The following PUM3 variants were observed in gnomAD, a reference collection of about 807,000 sequenced individuals.
The protein encoded by PUM3 is pumilio homolog 3.
In PUM3, 91 loss-of-function variants were observed where a neutral mutation model predicts 84.0. That is an observed-to-expected ratio of 1.08 (90% CI 0.91 to 1.29). PUM3 has a LOEUF of 1.29. Ranked by LOEUF, PUM3 falls within the 50% of genes most tolerant of loss-of-function variation. PUM3 has a pLI of 0.00. For synonymous variants in PUM3, 321 were observed against 266.7 expected (o/e 1.20, Z -1.98); for missense variants, 1,067 against 767.5 (o/e 1.39, Z -4.61).
At position 2,824,794 on chromosome 9, in the gene PUM3, C is replaced by A; in HGVS notation, c.1057G>T (p.Glu353Ter). The A allele has an allele frequency of 6.4e-7, 1 of 1,574,000 alleles. No individual in the cohort carries two copies. Among genetic ancestry groups the A allele is most frequent in the Non-Finnish European group, 8.7e-7 (1 of 1,154,410 alleles). Residue 353 changes from glutamate to a stop codon, truncating the protein, a stop_gained, in exon 11 of 18, where the codon GAA (glutamate) becomes TAA (stop). Coordinates refer to ENST00000397885, the MANE Select transcript of PUM3 (RefSeq NM_014878.5). LOFTEE classifies it high-confidence loss of function. Reference protein sequence around the residue: ...LRSEMIEAIREAVVYLAHTHD... With the variant: ...LRSEMIEAIR The stretch of plus-strand genomic sequence containing the variant: ...GTGTGTGCCAGGTAGACCACCGCTT[C>A]GCGGATGGCTTCAATCATTTCCTAG...
Position 2,828,690 on chromosome 9 carries a change from G to C in PUM3, c.941C>G (p.Thr314Ser). The C allele has an allele frequency of 6.3e-7, 1 of 1,590,576 alleles. No individual in the cohort carries two copies. The highest frequency in any genetic ancestry group is 8.6e-7 in the Non-Finnish European group (1 of 1,159,030). ...ACTTTCTTACTTTTGGGCCATTGGA[G>C]TTAGAATCTGTTTCATTTCATCCAT... Reference protein sequence around the residue: ...LIMDEMKQILTPMAQKEAVIK... With the variant: ...LIMDEMKQILSPMAQKEAVIK... The change falls in exon 9 of 18, where the codon ACT (threonine) becomes AGT (serine). Residue 314 changes from threonine to serine, a missense_variant. Transcript: ENST00000397885.
chr9:2,841,714 CA>C (rs766046609), intron 1 of PUM3, among the ~76,000 whole-genome samples: 3,473 of 98,358 alleles, frequency 0.035, 100 homozygotes, highest in African/African-American at 0.11. Flanking sequence ...TGCTGCAGGC[CA>C]AAAAAAAAAA....
chr9:2,832,415 G>A (rs180943571), intron 5 of PUM3, among the ~76,000 whole-genome samples: 3 of 152,074 alleles, frequency 2.0e-5, no homozygotes, highest in Admixed American at 1.3e-4. Context: ...TATACAACAC[G>A]GATGATGACA....
chr9:2,815,583 T>C (rs997943942), intron 13 of PUM3, among the ~76,000 whole-genome samples: 3 of 152,226 alleles, frequency 2.0e-5, no homozygotes, highest in Non-Finnish European at 2.9e-5. Flanking sequence ...ATGATACACC[T>C]GCCTAACTCA....
chr9:2,839,934 G>A (rs3824352), intron 1 of PUM3, among the ~76,000 whole-genome samples: 6,545 of 152,260 alleles, frequency 0.043, 154 homozygotes, highest in East Asian at 0.063. Flanking sequence ...TTAACATACA[G>A]TTAACTAAGC....
In PUM3 at chr9:2,823,781, A is replaced by G; in HGVS notation, c.1188T>C (p.Asn396=). Residue 396 remains asparagine, a splice_region_variant and synonymous_variant, in exon 12 of 18, where the codon AAT becomes AAC. Coordinates refer to ENST00000397885, the MANE Select transcript of PUM3 (RefSeq NM_014878.5). ...GAATATGTAGTTTTATTATACTTACATTAGCCACCTTTTCAACATAAGTCT... is the reference window on the plus strand; with the variant it reads ...GAATATGTAGTTTTATTATACTTACGTTAGCCACCTTTTCAACATAAGTCT... ...TMKTYVEKVA[N]GQYSHLVLLA... 7.1e-7 allele frequency: 1 copy of G among 1,415,224 alleles called. No homozygotes were observed. The highest frequency in any genetic ancestry group is 2.4e-5 in the East Asian group (1 of 42,408). The allele number at this position is 1,415,224 out of a possible 1,614,324, so 87.7% of individuals were successfully genotyped here. A position where few individuals can be genotyped will look rare whatever the true frequency, so the allele number is the denominator to read the frequency against.
chr9:2,829,369 CAATGCATGCACATG>C (rs778520332), intron 8 of PUM3, among the ~76,000 whole-genome samples: 1 of 152,162 alleles, frequency 6.6e-6, no homozygotes, highest in Non-Finnish European at 1.5e-5. Flanking sequence ...TGAAGAAGGG[CAATGCATGCACATG>C]AAAAAACACA....
Position 2,821,443 on chromosome 9 carries a change from C to CAAAAAAAAAAAAAAAAAAAAAAA in PUM3, c.1189-1346_1189-1345insTTTTTTTTTTTTTTTTTTTTTTT, listed in dbSNP as rs572752267. 9.6e-4 allele frequency among the ~76,000 whole-genome samples: 48 copies of CAAAAAAAAAAAAAAAAAAAAAAA among 50,098 alleles called. 1 individual carries two copies. The highest frequency in any genetic ancestry group is 1.4e-3 in the African/African-American group (17 of 12,420). The allele number at this position is 50,098 out of a possible 152,430, so 32.9% of individuals were successfully genotyped here. On this transcript the variant is annotated intron_variant, in intron 12 of 17. Transcript: ENST00000397885. ...TGGGCGACAGAGCAAGACTCTGTCT[C>CAAAAAAAAAAAAAAAAAAAAAAA]AAAAAAAAAAAAAAAAAAAGAACAT... is the stretch of plus-strand genomic sequence containing the variant.
Position 2,831,329 on chromosome 9 carries a change from C to T in PUM3, c.532G>A (p.Asp178Asn), listed in dbSNP as rs749489716. ...TAACACTGGATCACACGAGTTGAAT[C>T]GTGTGCAAATGCAATCTGCAGGAAA... is the stretch of plus-strand genomic sequence containing the variant. ...GKIKTIAFAH[D>N]STRVIQCYIQ... is the part of the protein sequence containing the mutation. The change falls in exon 6 of 18, where the codon GAT (aspartate) becomes AAT (asparagine). Residue 178 changes from aspartate to asparagine, a missense_variant. By Grantham distance (23) the Asp-to-Asn change is conservative (BLOSUM62 1). Coordinates refer to ENST00000397885, the MANE Select transcript of PUM3 (RefSeq NM_014878.5). 10 of 1,605,554 alleles carry T rather than the reference C, an allele frequency of 6.2e-6. No individual in the cohort carries two copies. The highest frequency in any genetic ancestry group is 2.2e-5 in the East Asian group (1 of 44,736).
intron 3 of PUM3, among the ~76,000 whole-genome samples, chr9:2,836,006 A>G (rs1261153328): frequency 1.3e-5 from 2 of 152,180 alleles, no homozygotes; most frequent in African/African-American, 4.8e-5. Context: ...TAGAAAAGAG[A>G]GCTGGAAGAG....
intron 3 of PUM3, among the ~76,000 whole-genome samples, chr9:2,834,994 T>C (rs919572594): frequency 1.3e-5 from 1 of 76,468 alleles, no homozygotes; most frequent in African/African-American, 5.0e-5. Context: ...CCTGTCTCTA[T>C]AAAAAACTGG....
At chr9:2,838,554 C>T (rs1338948968) in intron 1 of PUM3, 37 bp from the exon 2 acceptor site, 3 of 1,232,612 alleles carry the variant, frequency 2.4e-6, no homozygotes, top group Non-Finnish European at 3.6e-6. Context: ...ACAATCACTG[C>T]AGTTCTCTTC....
At chr9:2,835,956 A>G (rs1001592394) in intron 3 of PUM3, among the ~76,000 whole-genome samples, 1 of 152,222 alleles carries the variant, frequency 6.6e-6, no homozygotes, top group South Asian at 2.1e-4. Flanking sequence ...GTAGAGAAAG[A>G]AAGATTTGGG....
chr9:2,832,677 G>A (rs750079096), intron 5 of PUM3, among the ~76,000 whole-genome samples: 7 of 152,142 alleles, frequency 4.6e-5, no homozygotes, highest in African/African-American at 7.2e-5. Flanking sequence ...AAAAGATCCT[G>A]CTGAATTTAT....
At chr9:2,840,067 C>T (rs1816231175) in intron 1 of PUM3, among the ~76,000 whole-genome samples, 1 of 152,102 alleles carries the variant, frequency 6.6e-6, no homozygotes, top group South Asian at 2.1e-4. Flanking sequence ...TTGGGGTTTG[C>T]CTGATGTTTT....
rs770792573 is a variant in PUM3, at chr9:2,827,083, T to A, written c.1025A>T (p.Lys342Ile). The change falls in exon 10 of 18, where the codon AAA becomes ATA. Residue 342 changes from lysine to isoleucine, a missense_variant. Lys to Ile is a moderately radical substitution (Grantham distance 102, BLOSUM62 -3). Transcript: ENST00000397885. The part of the protein sequence containing the change: ...FLDFFTYAPP[K>I]LRSEMIEAIR... ...AAACCAAGAACTTACTGATCTGAGTTTGGGGGGTGCATAGGTAAAAAAGTC... is the reference window on the plus strand; with the variant it reads ...AAACCAAGAACTTACTGATCTGAGTATGGGGGGTGCATAGGTAAAAAAGTC... The A allele has an allele frequency of 1.2e-6, 2 of 1,608,554 alleles. No individual in the cohort carries two copies. Among genetic ancestry groups the A allele is most frequent in the South Asian group, 1.1e-5 (1 of 89,458 alleles).
At chr9:2,838,780 C>G (rs757383439) in intron 1 of PUM3, among the ~76,000 whole-genome samples, 2 of 152,184 alleles carry the variant, frequency 1.3e-5, no homozygotes, top group Non-Finnish European at 2.9e-5. Context: ...GGAGGCATCA[C>G]TTCACTTCCA....
At position 2,820,046 on chromosome 9, in the gene PUM3, G is replaced by A; in HGVS notation, c.1241C>T (p.Thr414Ile). 6.2e-7 allele frequency: 1 copy of A among 1,611,742 alleles called. No homozygotes were observed. The highest frequency in any genetic ancestry group is 8.5e-7 in the Non-Finnish European group (1 of 1,178,166). The change falls in exon 13 of 18, where the codon ACT becomes ATT. Residue 414 changes from threonine (T) to isoleucine (I), a missense_variant. Physicochemically the swap from Thr to Ile is moderately conservative, Grantham distance 89. Transcript: ENST00000397885. ...TATGATTATCTGCTTCACAAGCTTA[G>A]TATCATCAATACAATCAAATGCCGC... ...LLAAFDCIDD[T>I]KLVKQIIISE...
chr9:2,843,860 G>A (rs1356131191), intron 1 of PUM3, among the ~76,000 whole-genome samples, 185 bp downstream of exon 1: 1 of 151,816 alleles, frequency 6.6e-6, no homozygotes, highest in Non-Finnish European at 1.5e-5. Context: ...TTACAGGCGT[G>A]AGCCACCGCG....
Sources: allele counts gnomAD v4.1 joint callset (sites outside exome capture counted in the v4.1 genomes callset), GRCh38; gene constraint gnomAD v4.1.1; transcripts MANE v1.5; gene names NCBI Gene and HGNC (gene_info 2026-07-23, HGNC 2026-07-21).